Variants in GTPBP1 observed in about 807,000 individuals in gnomAD.
GTPBP1 encodes the protein GTP binding protein 1.
GTPBP1 carries 23 observed loss-of-function variants against 62.0 expected under a neutral mutation model. The observed-to-expected ratio is 0.37, with a 90% CI of 0.27 to 0.53. GTPBP1 has a LOEUF of 0.53. GTPBP1 is among the 20% of genes least tolerant of loss of function. The pLI is 0.89. For synonymous variants in GTPBP1, 344 were observed against 364.4 expected (o/e 0.94, Z 0.64); for missense variants, 640 against 917.3 (o/e 0.70, Z 3.90).
downstream of GTPBP1, chr22:38,740,333 C>A (rs757774303): frequency 1.4e-5 from 22 of 1,597,530 alleles, no homozygotes; most frequent in Non-Finnish European, 1.5e-5. This position sits in a 1 kb window ranked among gnomAD's most constrained non-coding sequence, Gnocchi z 4.8. Context: ...AGCTCTGCTT[C>A]AGTGCCAGAG....
intron 5 of GTPBP1, chr22:38,723,401 G>T: frequency 2.0e-6 from 2 of 992,920 alleles, no homozygotes; most frequent in Non-Finnish European, 3.1e-6. Flanking sequence ...CGTTCTTCCA[G>T]AAGCAGCAAG....
Position 38,730,102 on chromosome 22 carries a change from G to T in GTPBP1, c.1917+440G>T, listed in dbSNP as rs988204309. Among the ~76,000 whole-genome samples, 4 of 152,078 alleles carry T rather than the reference G, an allele frequency of 2.6e-5. No homozygotes were observed. The highest frequency in any genetic ancestry group is 5.9e-5 in the Non-Finnish European group (4 of 68,014). ...CACATCCTGAAGGGGAGGTGGCTTT[G>T]GGATGTGCCAGTGCGCCTCTTACTC... On this transcript the variant is annotated intron_variant, in intron 11 of 11. Coordinates refer to ENST00000216044, the MANE Select transcript of GTPBP1 (RefSeq NM_004286.5). The surrounding 1 kb of genome is among the most constrained non-coding windows in gnomAD (Gnocchi z 5.6).
downstream of GTPBP1, chr22:38,739,767 C>G (rs528608235): frequency 1.4e-4 from 225 of 1,613,690 alleles, 2 homozygotes; most frequent in South Asian, 2.4e-3. This position sits in a 1 kb window ranked among gnomAD's most constrained non-coding sequence, Gnocchi z 6.7. Context: ...GCGTCAGGCT[C>G]AGGGAGGCCG....
At position 38,716,238 on chromosome 22, in the gene GTPBP1, A is replaced by T; in HGVS notation, c.485+151A>T. ...CTGGAGACGTGGGCTCCTTGCTCTA[A>T]TTCTGCACTTCCCTGTCACTTTGGG... On this transcript the variant is annotated intron_variant, in intron 3 of 11. Coordinates refer to ENST00000216044, the MANE Select transcript of GTPBP1 (RefSeq NM_004286.5). This position sits in a 1 kb window ranked among gnomAD's most constrained non-coding sequence, Gnocchi z 5.2. 1 of 660,340 alleles carries T rather than the reference A, an allele frequency of 1.5e-6. No homozygotes were observed. Among genetic ancestry groups the T allele is most frequent in the East Asian group, 2.8e-5 (1 of 36,156 alleles). 40.9% of individuals were successfully genotyped at this position (660,340 alleles called of 1,614,324 possible).
At chr22:38,741,000 C>T, downstream of GTPBP1, 2 of 1,590,852 alleles carry the variant, frequency 1.3e-6, no homozygotes, top group South Asian at 1.1e-5. This position sits in a 1 kb window ranked among gnomAD's most constrained non-coding sequence, Gnocchi z 4.8. Context: ...CTGGTGGCGC[C>T]CAGTACCTTT....
chr22:38,734,571 A>G (rs747281244), downstream of GTPBP1, among the ~76,000 whole-genome samples: 3 of 152,206 alleles, frequency 2.0e-5, no homozygotes, highest in African/African-American at 7.2e-5. Context: ...CTCAGGTCCC[A>G]TCCCCCACCA....
intron 4 of GTPBP1, among the ~76,000 whole-genome samples, chr22:38,719,737 C>T (rs529252807): frequency 1.3e-5 from 2 of 151,452 alleles, no homozygotes; most frequent in South Asian, 4.2e-4. Context: ...CTTCAGCATA[C>T]AGCTCCTAAA....
At chr22:38,723,036 T>C in intron 5 of GTPBP1, 1 of 797,182 alleles carries the variant, frequency 1.3e-6, no homozygotes, top group Non-Finnish European at 2.3e-6. Flanking sequence ...AAGAGTGGGA[T>C]GTTCATGTGG....
At chr22:38,742,225 C>T (rs1001825457), downstream of GTPBP1, 7 of 1,498,498 alleles carry the variant, frequency 4.7e-6, no homozygotes, top group African/African-American at 7.0e-5. Flanking sequence ...GACACTTGTT[C>T]TCTCTGCTGC....
downstream of GTPBP1, among the ~76,000 whole-genome samples, chr22:38,733,925 G>A (rs1187339449): frequency 1.3e-5 from 2 of 152,238 alleles, no homozygotes; most frequent in Non-Finnish European, 2.9e-5. Flanking sequence ...AACTTCCAGG[G>A]GCTTGTTTAT....
At chr22:38,708,772 G>A (rs1274285513) in intron 1 of GTPBP1, 73 bp from the exon 2 acceptor site, 1 of 851,342 alleles carries the variant, frequency 1.2e-6, no homozygotes, top group Non-Finnish European at 2.1e-6. Context: ...CTTTGGTTAG[G>A]CTATATTGAT....
At chr22:38,737,970 CCTT>C (rs2092821000), downstream of GTPBP1, 6 of 706,456 alleles carry the variant, frequency 8.5e-6, no homozygotes, top group Non-Finnish European at 1.6e-5. This position sits in a 1 kb window ranked among gnomAD's most constrained non-coding sequence, Gnocchi z 4.1. Context: ...CTCATGCTGC[CCTT>C]CTGGAAGGTG....
At chr22:38,742,920 T>C, downstream of GTPBP1, 1 of 189,820 alleles carries the variant, frequency 5.3e-6, no homozygotes, top group Non-Finnish European at 1.1e-5. Context: ...CCTCCTGGCC[T>C]GAAGCTCACT....
Position 38,717,933 on chromosome 22 carries a change from G to T in GTPBP1, c.834+933G>T, listed in dbSNP as rs543932047. 3.9e-5 allele frequency among the ~76,000 whole-genome samples: 6 copies of T among 152,322 alleles called. No homozygotes were observed. In the South Asian group the frequency reaches 1.2e-3, roughly 32 times the overall value. ...TTCCCAAAACCCTTCCCCATTTCTCGATTCCTTCAGCTGCCTGTATTAATA... is the reference window on the plus strand; with the variant it reads ...TTCCCAAAACCCTTCCCCATTTCTCTATTCCTTCAGCTGCCTGTATTAATA... On this transcript the variant is annotated intron_variant, in intron 4 of 11. Coordinates refer to ENST00000216044, the MANE Select transcript of GTPBP1 (RefSeq NM_004286.5).
rs2092689337 is a variant in GTPBP1, at chr22:38,719,700, G to C, written c.835-2042G>C. 2.0e-5 allele frequency among the ~76,000 whole-genome samples: 3 copies of C among 151,066 alleles called. No homozygotes were observed. In the South Asian group the frequency reaches 6.3e-4, roughly 32 times the overall value. On this transcript the variant is annotated intron_variant, in intron 4 of 11. Transcript: ENST00000216044. ...TCATCCCAGACAAAGTCACAATGTA[G>C]ACATTGTGACTTTTCACTGCTAAAC...
intron 5 of GTPBP1, among the ~76,000 whole-genome samples, chr22:38,724,038 G>A (rs898134577): frequency 5.3e-5 from 8 of 152,082 alleles, no homozygotes; most frequent in Non-Finnish European, 8.8e-5. Context: ...GAGGCAGGTC[G>A]TCTAGACACA....
chr22:38,740,263 T>G (rs369126235), downstream of GTPBP1: 18 of 1,566,890 alleles, frequency 1.1e-5, no homozygotes, highest in Non-Finnish European at 1.6e-5. The surrounding 1 kb of genome is among the most constrained non-coding windows in gnomAD (Gnocchi z 4.8). Context: ...TGGTTCCCAC[T>G]CACGTCGTCC....
rs1222800828 is a variant in GTPBP1, at chr22:38,717,730, G to A, written c.834+730G>A. 2.6e-5 allele frequency among the ~76,000 whole-genome samples: 4 copies of A among 152,340 alleles called. No homozygotes were observed. In the East Asian group the frequency reaches 5.8e-4, roughly 22 times the overall value. ...TGTGTTGGATCTCATTGCTAAGCTT[G>A]CCTTTGTGACCCACTGATCTTCCTC... On this transcript the variant is annotated intron_variant, in intron 4 of 11. Transcript: ENST00000216044.
At chr22:38,738,686 A>G, downstream of GTPBP1, 2 of 1,613,810 alleles carry the variant, frequency 1.2e-6, no homozygotes, top group Non-Finnish European at 1.7e-6. This position sits in a 1 kb window ranked among gnomAD's most constrained non-coding sequence, Gnocchi z 6.6. Flanking sequence ...GGATGCGGGC[A>G]GAGAGGCGGA....
Sources: allele counts gnomAD v4.1 joint callset (sites outside exome capture counted in the v4.1 genomes callset), GRCh38; gene constraint gnomAD v4.1.1; non-coding constraint Gnocchi (gnomAD v3.1); transcripts MANE v1.5; gene names NCBI Gene and HGNC (gene_info 2026-07-23, HGNC 2026-07-21).